CDHR1: variants seen among roughly 807,000 people sequenced by gnomAD.
CDHR1 encodes cadherin related family member 1.
In CDHR1, 61 loss-of-function variants were observed where a neutral mutation model predicts 72.1. That is an observed-to-expected ratio of 0.85 (90% confidence interval 0.69 to 1.05). The LOEUF is 1.05. Ranked by LOEUF, CDHR1 falls within the 50% of genes least tolerant of loss-of-function variation. The pLI, the probability that CDHR1 is intolerant of heterozygous loss-of-function variation, is 0.00. For missense variants in CDHR1, 1,186 were observed against 1,115.7 expected, an observed-to-expected ratio of 1.06 and a Z score of -0.90; for synonymous variants, 470 against 448.1, an observed-to-expected ratio of 1.05 and a Z score of -0.62.
At chr10:84,205,198 G>C (rs1368314603) in intron 9 of CDHR1, among the ~76,000 whole-genome samples, 1 of 152,122 alleles carries the variant, frequency 6.6e-6, no homozygotes, top group African/African-American at 2.4e-5. Context: ...ATCGCATCTG[G>C]TGCCTGGTAC....
In CDHR1 at chr10:84,213,274, G is replaced by A. The variant is rs142045222; in HGVS notation, c.1966G>A (p.Val656Met). Residue 656 changes from valine (V) to methionine (M), a missense_variant, in exon 16 of 17, where the codon GTG becomes ATG. Physicochemically the swap from Val to Met is conservative, Grantham distance 21 (BLOSUM62 1). Transcript: ENST00000623527. ...AAGGGACTGCCTATGGTCCCTAGAG[G>A]TGCAGGCCAAGGACCGGGGCTCCCC... ...PGRDCLWSLE[V>M]QAKDRGSPSF... is the part of the protein sequence containing the mutation. The A allele has an allele frequency of 6.2e-7, 1 of 1,614,104 alleles. No homozygotes were observed. Among genetic ancestry groups the A allele is most frequent in the African/African-American group, 1.3e-5 (1 of 74,928 alleles).
At chr10:84,210,867 C>A (rs565523648) in intron 12 of CDHR1, 134 bp from the exon 13 acceptor site, 2 of 955,176 alleles carry the variant, frequency 2.1e-6, no homozygotes, top group African/African-American at 3.2e-5. Context: ...ACAGGAATAG[C>A]TGGTTGGCAG....
At chr10:84,219,419 C>T (rs1842475471), downstream of CDHR1, 7 of 1,339,458 alleles carry the variant, frequency 5.2e-6, no homozygotes, top group Admixed American at 5.7e-5. Context: ...TTCCACAGCC[C>T]TTCTCTCATC....
intron 6 of CDHR1, among the ~76,000 whole-genome samples, chr10:84,201,405 G>A (rs1460037396): frequency 1.3e-5 from 2 of 152,156 alleles, no homozygotes; most frequent in East Asian, 3.9e-4. Flanking sequence ...CTTGCTTGGT[G>A]TAGGGTTTGA....
At position 84,217,333 on chromosome 10, in the gene CDHR1, A is replaced by C; in HGVS notation, c.*2712A>C. 1 of 985,498 alleles carries C rather than the reference A, an allele frequency of 1.0e-6. No homozygotes were observed. The highest frequency in any genetic ancestry group is 1.2e-6 in the Non-Finnish European group (1 of 829,950). The allele number at this position is 985,498 out of a possible 1,614,324, so 61.0% of individuals were successfully genotyped here. A position where few individuals can be genotyped will look rare whatever the true frequency, so the allele number is the denominator to read the frequency against. ...TTCCTGGCCCTGAGAATGGAGCTGT[A>C]GCCTCATGGACAATAAATGGATGTG... On this transcript the variant is annotated 3_prime_UTR_variant, in exon 17 of 17. Transcript: ENST00000623527.
At chr10:84,196,380 A>T in intron 2 of CDHR1, 125 bp from the exon 3 acceptor site, 1 of 1,015,602 alleles carries the variant, frequency 9.8e-7, no homozygotes, top group East Asian at 2.5e-5. Context: ...AGTTCAGGGC[A>T]GTACCTTTGG....
At chr10:84,219,228 T>C (rs563045646), downstream of CDHR1, 55 of 1,550,892 alleles carry the variant, frequency 3.5e-5, no homozygotes, top group African/African-American at 3.1e-4. Context: ...ATCTGAGTAA[T>C]GTGAATCTGT....
At chr10:84,213,842 T>C (rs11812318) in intron 16 of CDHR1, among the ~76,000 whole-genome samples, 1,952 of 152,318 alleles carry the variant, frequency 0.013, 49 homozygotes, top group African/African-American at 0.045. Flanking sequence ...GAGCATATTG[T>C]ACCAGAGAGT....
Position 84,218,174 on chromosome 10 carries a change from G to A in CDHR1, c.*3553G>A, listed in dbSNP as rs1842456482. The A allele has an allele frequency of 1.0e-6, 1 of 985,366 alleles. No homozygotes were observed. Among genetic ancestry groups the A allele is most frequent in the Non-Finnish European group, 1.2e-6 (1 of 829,958 alleles). The allele number at this position is 985,366 out of a possible 1,614,324, so 61.0% of individuals were successfully genotyped here. Reference sequence around the variant, plus strand: ...AAGATGCCACATGAGGAATGAGGCAGGAGACTGGCATGTGCCACATGGAGG... The same window carrying A: ...AAGATGCCACATGAGGAATGAGGCAAGAGACTGGCATGTGCCACATGGAGG... On this transcript the variant is annotated 3_prime_UTR_variant, in exon 17 of 17. Coordinates refer to ENST00000623527, the MANE Select transcript of CDHR1 (RefSeq NM_033100.4).
In CDHR1 at chr10:84,213,176, A is replaced by G. The variant is rs137876961; in HGVS notation, c.1868A>G (p.Asn623Ser). Residue 623 changes from asparagine to serine, a missense_variant, in exon 16 of 17, where the codon AAT becomes AGT. By Grantham distance (46) the Asn-to-Ser change is conservative. Coordinates refer to ENST00000623527, the MANE Select transcript of CDHR1 (RefSeq NM_033100.4). ...HAEPANVFDINSHTGEIWLKN... is the reference protein window; with the variant it reads ...HAEPANVFDISSHTGEIWLKN... ...GAGCCCGCCAACGTGTTCGACATCA[A>G]TTCCCACACGGGGGAGATCTGGCTC... 8,853 of 1,614,214 alleles carry G rather than the reference A, an allele frequency of 5.5e-3. 29 individuals carry two copies. Among genetic ancestry groups the G allele is most frequent in the Non-Finnish European group, 6.5e-3 (7,644 of 1,180,042 alleles).
At chr10:84,205,590 A>G (rs1564660644) in intron 9 of CDHR1, 1 of 594,796 alleles carries the variant, frequency 1.7e-6, no homozygotes, top group East Asian at 2.9e-5. Flanking sequence ...AAAGGGACAC[A>G]GTATGGAATG....
chr10:84,206,811 G>A (rs1414398256), intron 10 of CDHR1, among the ~76,000 whole-genome samples: 1 of 152,198 alleles, frequency 6.6e-6, no homozygotes, highest in African/African-American at 2.4e-5. Context: ...TCTCAACTTG[G>A]GTTCAGAGGG....
chr10:84,198,049 TG>T (rs1842059098), intron 4 of CDHR1, among the ~76,000 whole-genome samples: 4 of 152,346 alleles, frequency 2.6e-5, no homozygotes, highest in African/African-American at 9.6e-5. Flanking sequence ...TCAGGCTCTC[TG>T]AGCTGAGCTT....
chr10:84,204,748 C>G, intron 9 of CDHR1, 143 bp downstream of exon 9: 1 of 660,568 alleles, frequency 1.5e-6, no homozygotes, highest in Non-Finnish European at 2.8e-6. Context: ...GTGTCCAAGA[C>G]AAGCAAGTCT....
Position 84,216,137 on chromosome 10 carries a change from C to T in CDHR1, c.*1516C>T. 1.0e-6 allele frequency: 1 copy of T among 985,428 alleles called. No homozygotes were observed. The highest frequency in any genetic ancestry group is 1.2e-6 in the Non-Finnish European group (1 of 829,920). 61.0% of individuals were successfully genotyped at this position (985,428 alleles called of 1,614,324 possible). Reference sequence around the variant, plus strand: ...CTATCAGGAAATCTACATGTGTGCACAGAGAGAGAAAAGTAGAACAGTTCT... The same window carrying T: ...CTATCAGGAAATCTACATGTGTGCATAGAGAGAGAAAAGTAGAACAGTTCT... On this transcript the variant is annotated 3_prime_UTR_variant, in exon 17 of 17. Coordinates refer to ENST00000623527, the MANE Select transcript of CDHR1 (RefSeq NM_033100.4).
Position 84,205,523 on chromosome 10 carries a change from C to T in CDHR1, c.863-304C>T, listed in dbSNP as rs190266005. On this transcript the variant is annotated intron_variant, in intron 9 of 16. Transcript: ENST00000623527. ...TTCCTTTCTCTTTTCTTCACACACA[C>T]ACACACACACACACACACACACGTG... 4.7e-3 allele frequency among the ~76,000 whole-genome samples: 716 copies of T among 151,084 alleles called. 2 individuals are homozygous for T. Among genetic ancestry groups the T allele is most frequent in the South Asian group, 8.8e-3 (42 of 4,766 alleles).
At position 84,215,622 on chromosome 10, in the gene CDHR1, T is replaced by C. The variant is rs1007790294; in HGVS notation, c.*1001T>C. ...GCCCTGTCTACCTCACATGCAGGTCTAGGGTGAGGATTGAAGAAAATAGTG... is the reference window on the plus strand; with the variant it reads ...GCCCTGTCTACCTCACATGCAGGTCCAGGGTGAGGATTGAAGAAAATAGTG... On this transcript the variant is annotated 3_prime_UTR_variant, in exon 17 of 17. Coordinates refer to ENST00000623527, the MANE Select transcript of CDHR1 (RefSeq NM_033100.4). The C allele has an allele frequency of 2.6e-5, 24 of 939,394 alleles. No homozygotes were observed. In the African/African-American group the frequency reaches 3.6e-4, roughly 14 times the overall value. 58.2% of individuals were successfully genotyped at this position (939,394 alleles called of 1,614,324 possible). A position where few individuals can be genotyped will look rare whatever the true frequency, so the allele number is the denominator to read the frequency against.
chr10:84,195,999 G>A (rs1334951596), intron 2 of CDHR1, among the ~76,000 whole-genome samples: 1 of 152,222 alleles, frequency 6.6e-6, no homozygotes, highest in Non-Finnish European at 1.5e-5. Context: ...TCACTTTGTG[G>A]GTAGTGGGAA....
At chr10:84,207,036 G>T (rs982735346) in intron 10 of CDHR1, among the ~76,000 whole-genome samples, 1 of 152,220 alleles carries the variant, frequency 6.6e-6, no homozygotes, top group Non-Finnish European at 1.5e-5. Context: ...AGGACAGCAG[G>T]CAAGTGAAGT....
Sources: gnomAD v4.1 joint callset for allele counts (sites outside exome capture counted in the v4.1 genomes callset) on GRCh38, gnomAD v4.1.1 for gene constraint, MANE v1.5 for transcripts, NCBI Gene and HGNC (gene_info 2026-07-23, HGNC 2026-07-21) for gene names.